The following NCAM1 variants were observed in gnomAD, a reference collection of about 807,000 sequenced individuals.
NCAM1 encodes neural cell adhesion molecule 1.
A neutral mutation model predicts 109.8 loss-of-function variants in NCAM1; 14 were observed. The observed-to-expected ratio is 0.13, with a 90% CI of 0.08 to 0.20. The LOEUF is 0.20. Among genes scored for constraint, NCAM1 ranks in the 10% least tolerant of loss-of-function variants. The pLI is 1.00. For missense variants in NCAM1, 774 were observed against 1,109.9 expected, an observed-to-expected ratio of 0.70 and a Z score of 4.30; for synonymous variants, 418 against 442.9, an observed-to-expected ratio of 0.94 and a Z score of 0.70.
At chr11:113,071,832 T>C (rs1318355007) in intron 1 of NCAM1, among the ~76,000 whole-genome samples, 1 of 152,150 alleles carries the variant, frequency 6.6e-6, no homozygotes, top group Non-Finnish European at 1.5e-5. Flanking sequence ...TTGGTAACTC[T>C]TGGGAACTTA....
intron 1 of NCAM1, among the ~76,000 whole-genome samples, chr11:113,188,022 A>T (rs1397452576): frequency 6.6e-6 from 1 of 152,238 alleles, no homozygotes; most frequent in Non-Finnish European, 1.5e-5. Context: ...CATATAGATC[A>T]GTGCCTTTTC....
chr11:113,072,826 T>TA (rs1395074848), intron 1 of NCAM1, among the ~76,000 whole-genome samples: 8 of 151,684 alleles, frequency 5.3e-5, no homozygotes, highest in East Asian at 1.9e-4. Flanking sequence ...GTTTTTTATT[T>TA]TTTTTTTCAT....
At chr11:113,093,293 A>T (rs955725456) in intron 1 of NCAM1, among the ~76,000 whole-genome samples, 3 of 152,164 alleles carry the variant, frequency 2.0e-5, no homozygotes, top group African/African-American at 4.8e-5. Flanking sequence ...CACAATCTAC[A>T]TGGCTTTTCT....
intron 17 of NCAM1, chr11:113,264,872 C>T: frequency 1.0e-6 from 1 of 985,570 alleles, no homozygotes; most frequent in Non-Finnish European, 1.2e-6. Flanking sequence ...AGCGCATACC[C>T]ACTCCCCACG....
chr11:112,976,705 A>T (rs10750018), intron 1 of NCAM1, among the ~76,000 whole-genome samples: 1 of 151,680 alleles, frequency 6.6e-6, no homozygotes, highest in Non-Finnish European at 1.5e-5. Context: ...GGACTGTTGG[A>T]GAGAAGATCG....
At chr11:113,094,848 C>A (rs782259906) in intron 1 of NCAM1, among the ~76,000 whole-genome samples, 3 of 152,138 alleles carry the variant, frequency 2.0e-5, no homozygotes, top group Non-Finnish European at 4.4e-5. Flanking sequence ...TTTTCTAAGT[C>A]ACATTGACAA....
At chr11:112,997,091 G>A (rs1951614134) in intron 1 of NCAM1, among the ~76,000 whole-genome samples, 1 of 152,038 alleles carries the variant, frequency 6.6e-6, no homozygotes, top group Non-Finnish European at 1.5e-5. Flanking sequence ...TGAGGGAGTG[G>A]GCACAAGGAT....
intron 1 of NCAM1, among the ~76,000 whole-genome samples, chr11:113,027,215 A>G (rs1358725469): frequency 6.6e-6 from 1 of 152,274 alleles, no homozygotes; most frequent in African/African-American, 2.4e-5. Context: ...ACAAAAGCCT[A>G]GGAATTATGT....
chr11:113,246,028 G>T (rs977878752), intron 14 of NCAM1: 4 of 351,710 alleles, frequency 1.1e-5, no homozygotes, highest in African/African-American at 8.3e-5. Flanking sequence ...TCCTGATGTG[G>T]TATTAATATG....
intron 15 of NCAM1, among the ~76,000 whole-genome samples, chr11:113,254,263 G>A (rs1945779994): frequency 6.6e-6 from 1 of 152,324 alleles, no homozygotes; most frequent in Admixed American, 6.5e-5. Flanking sequence ...AACAGGACAG[G>A]TCTTTGCCTG....
At chr11:113,064,065 A>G (rs10502166) in intron 1 of NCAM1, among the ~76,000 whole-genome samples, 10,655 of 152,284 alleles carry the variant, frequency 0.07, 712 homozygotes, top group Admixed American at 0.17. Flanking sequence ...CAACTATTGA[A>G]ACAGTTCTAA....
intron 17 of NCAM1, chr11:113,263,374 C>T: frequency 1.0e-6 from 1 of 990,808 alleles, no homozygotes; most frequent in Non-Finnish European, 1.2e-6. Context: ...CCTTGTCCTC[C>T]CTTCAATAAT....
rs576786857 is a variant in NCAM1, at chr11:113,117,860, G to A, written c.53-84519G>A. On this transcript the variant is annotated intron_variant, in intron 1 of 19. Transcript: ENST00000316851. Reference sequence around the variant, plus strand: ...GCTTGACATTGTCTGAAATTTTGAGGGGAGGAGGAAAAAGGAAGACAGATT... The same window carrying A: ...GCTTGACATTGTCTGAAATTTTGAGAGGAGGAGGAAAAAGGAAGACAGATT... 2.7e-4 allele frequency among the ~76,000 whole-genome samples: 41 copies of A among 151,918 alleles called. 1 individual carries two copies. The South Asian group carries it at 5.0e-3, about 18-fold the overall frequency.
Position 113,022,950 on chromosome 11 carries a change from C to T in NCAM1, c.52+61286C>T, listed in dbSNP as rs7926169. ...CTATGAGGAAGCTTCTAGGAAGTTA[C>T]ATATCTCTTTAGCAGAAACTTGGTC... On this transcript the variant is annotated intron_variant, in intron 1 of 19. Coordinates refer to ENST00000316851, the MANE Select transcript of NCAM1 (RefSeq NM_181351.5). Among the ~76,000 whole-genome samples the T allele has an allele frequency of 3.9e-5, 6 of 152,206 alleles. No homozygotes were observed. In the South Asian group the frequency reaches 1.2e-3, roughly 31 times the overall value.
At chr11:113,157,180 G>A (rs1398634062) in intron 1 of NCAM1, among the ~76,000 whole-genome samples, 1 of 148,084 alleles carries the variant, frequency 6.8e-6, no homozygotes, top group Non-Finnish European at 1.5e-5. Context: ...AAGAACCCTG[G>A]CATGTTCTGC....
chr11:113,177,042 C>G lies in NCAM1; in HGVS notation c.53-25337C>G, dbSNP rs192678837. ...CCTGCTTCATCTTCTCCAAACTCCT[C>G]CATAGACTTTCTTGCCTGACAATGT... On this transcript the variant is annotated intron_variant, in intron 1 of 19. Transcript: ENST00000316851. Among the ~76,000 whole-genome samples, 585 of 152,322 alleles carry G rather than the reference C, an allele frequency of 3.8e-3. 2 individuals carry two copies. The highest frequency in any genetic ancestry group is 5.0e-3 in the Non-Finnish European group (343 of 68,026).
chr11:113,271,290 A>T (rs1946264216), intron 18 of NCAM1, among the ~76,000 whole-genome samples: 1 of 144,928 alleles, frequency 6.9e-6, no homozygotes, highest in Non-Finnish European at 1.5e-5. Context: ...GAATCGCTTG[A>T]ACCCAGGAGG....
intron 1 of NCAM1, among the ~76,000 whole-genome samples, chr11:113,000,381 T>C (rs1555072177): frequency 6.6e-6 from 1 of 152,076 alleles, no homozygotes; most frequent in East Asian, 1.9e-4. Flanking sequence ...CTAGTAAAAT[T>C]GGGGTAAGAT....
intron 1 of NCAM1, among the ~76,000 whole-genome samples, chr11:113,121,091 A>T (rs1335698274): frequency 1.3e-5 from 2 of 152,154 alleles, no homozygotes; most frequent in South Asian, 2.1e-4. Flanking sequence ...TTCTGGGTAG[A>T]TAAGGAAACT....
Sources: gnomAD v4.1 joint callset for allele counts (sites outside exome capture counted in the v4.1 genomes callset) on GRCh38, gnomAD v4.1.1 for gene constraint, MANE v1.5 for transcripts, NCBI Gene and HGNC (gene_info 2026-07-23, HGNC 2026-07-21) for gene names.